The following SMC1A variants were observed in gnomAD, a reference collection of about 807,000 sequenced individuals.
The protein encoded by SMC1A is structural maintenance of chromosomes protein 1A.
A neutral mutation model predicts 94.5 loss-of-function variants in SMC1A; 4 were observed. The observed-to-expected ratio is 0.04, with a 90% CI of 0.02 to 0.10. The LOEUF (loss-of-function observed/expected upper bound fraction) is 0.10, where lower values mean the gene tolerates loss of function less well. Ranked by LOEUF, SMC1A falls within the 10% of genes least tolerant of loss-of-function variation. SMC1A has a pLI of 1.00. For missense variants in SMC1A, 304 were observed against 989.0 expected (o/e 0.31, Z 9.29); for synonymous variants, 345 against 347.7 (o/e 0.99, Z 0.09).
chrX:53,409,601 G>C (rs1166232339), intron 7 of SMC1A, 98 bp from the exon 8 acceptor site: 9 of 658,990 alleles, frequency 1.4e-5, no homozygotes, highest in Non-Finnish European at 2.3e-5. Flanking sequence ...TCATCCAAGA[G>C]CCGAACAGTC....
At chrX:53,394,536 C>T (rs2075643016) in intron 19 of SMC1A, among the ~76,000 whole-genome samples, 1 of 111,181 alleles carries the variant, frequency 9.0e-6, no homozygotes, top group Non-Finnish European at 1.9e-5. Context: ...AGACTGATAG[C>T]AGGCAAGGGC....
chrX:53,392,455 T>C (rs2075633361), intron 19 of SMC1A, among the ~76,000 whole-genome samples: 1 of 110,826 alleles, frequency 9.0e-6, no homozygotes, highest in African/African-American at 3.3e-5. Context: ...TACATCCCTG[T>C]GCATTTTTTT....
chrX:53,407,366 G>T (rs1367919794), intron 9 of SMC1A, among the ~76,000 whole-genome samples: 2 of 112,229 alleles, frequency 1.8e-5, no homozygotes, highest in Non-Finnish European at 3.8e-5. Flanking sequence ...CCTGTGTGGG[G>T]GTACCTGGAG....
At chrX:53,411,715 T>C in intron 7 of SMC1A, 46 bp downstream of exon 7, 1 of 1,189,003 alleles carries the variant, frequency 8.4e-7, no homozygotes. Context: ...CCTATATATA[T>C]CCTTTTCTGT....
At chrX:53,388,181 C>A (rs2075612864) in intron 19 of SMC1A, among the ~76,000 whole-genome samples, 1 of 111,241 alleles carries the variant, frequency 9.0e-6, no homozygotes, top group South Asian at 3.8e-4. Flanking sequence ...GGAAGTAACA[C>A]CACCAGCTGT....
At chrX:53,418,575 T>C (rs782351968) in intron 1 of SMC1A, among the ~76,000 whole-genome samples, 33 of 112,197 alleles carry the variant, frequency 2.9e-4, no homozygotes, top group African/African-American at 9.7e-4. Flanking sequence ...GCGGGAAGCA[T>C]GGGCATAAGC....
chrX:53,416,214 A>T (rs1243341319), intron 1 of SMC1A, among the ~76,000 whole-genome samples: 1 of 104,868 alleles, frequency 9.5e-6, no homozygotes, highest in Non-Finnish European at 2.0e-5. Context: ...GAGGCAGGAG[A>T]ATCGCTTGAA....
intron 5 of SMC1A, 138 bp downstream of exon 5, chrX:53,412,762 G>T: frequency 3.1e-6 from 3 of 964,888 alleles, no homozygotes; most frequent in South Asian, 2.0e-5. Context: ...CAAGAAATGT[G>T]CCTGGTTCTT....
intron 7 of SMC1A, among the ~76,000 whole-genome samples, chrX:53,410,056 A>G (rs1485909792): frequency 8.9e-6 from 1 of 111,965 alleles, no homozygotes; most frequent in Non-Finnish European, 1.9e-5. Context: ...ATGCCTGAAC[A>G]CTGTACACTC....
At chrX:53,383,391 C>T (rs1306375473) in intron 19 of SMC1A, 138 bp from the exon 20 acceptor site, 2 of 547,162 alleles carry the variant, frequency 3.7e-6, no homozygotes, top group African/African-American at 4.6e-5. Context: ...AGCTCGGTTC[C>T]TTCCACCAGA....
intron 9 of SMC1A, among the ~76,000 whole-genome samples, chrX:53,406,254 T>TA (rs1431610503): frequency 9.0e-6 from 1 of 111,243 alleles, no homozygotes; most frequent in Non-Finnish European, 1.9e-5. Flanking sequence ...ACTAGTTCTG[T>TA]ACCCATGCAA....
At chrX:53,419,917 G>A (rs2075748301) in intron 1 of SMC1A, among the ~76,000 whole-genome samples, 1 of 110,715 alleles carries the variant, frequency 9.0e-6, no homozygotes, top group African/African-American at 3.3e-5. Flanking sequence ...ACTCCAGTGT[G>A]GGCGTCAGAG....
At chrX:53,387,693 T>C (rs2075610386) in intron 19 of SMC1A, among the ~76,000 whole-genome samples, 2 of 111,256 alleles carry the variant, frequency 1.8e-5, no homozygotes, top group Admixed American at 9.6e-5. Flanking sequence ...AGGATGAATC[T>C]GGACATATTG....
chrX:53,398,742 G>A (rs2075660693), intron 16 of SMC1A, among the ~76,000 whole-genome samples: 1 of 111,475 alleles, frequency 9.0e-6, no homozygotes, highest in Admixed American at 9.6e-5. Flanking sequence ...TGTTACAAAC[G>A]TAGCATGATT....
At chrX:53,409,901 C>T (rs996971250) in intron 7 of SMC1A, among the ~76,000 whole-genome samples, 9 of 112,118 alleles carry the variant, frequency 8.0e-5, no homozygotes, top group African/African-American at 9.7e-5. Context: ...ATGACTATCA[C>T]ATTATTTTTA....
At position 53,379,001 on chromosome X, in the gene SMC1A, C is replaced by A. The variant is rs2017272617; in HGVS notation, c.*1102G>T. On this transcript the variant is annotated 3_prime_UTR_variant, in exon 25 of 25. Coordinates refer to ENST00000322213, the MANE Select transcript of SMC1A (RefSeq NM_006306.4). ...CTTTCCCAGTCAGCAGGGCATTCAG[C>A]ACCTTCCAGATTTGGAGGCTTCTTC... is the stretch of plus-strand genomic sequence containing the variant. 8.9e-6 allele frequency: 1 copy of A among 111,793 alleles called. No homozygotes were observed. The highest frequency in any genetic ancestry group is 1.9e-5 in the Non-Finnish European group (1 of 53,187). 9.2% of individuals were successfully genotyped at this position (111,793 alleles called of 1,213,427 possible). A position where few individuals can be genotyped will look rare whatever the true frequency, so the allele number is the denominator to read the frequency against.
chrX:53,397,827 T>C (rs1375068170), intron 16 of SMC1A, among the ~76,000 whole-genome samples: 3 of 111,017 alleles, frequency 2.7e-5, no homozygotes, highest in African/African-American at 9.8e-5. Context: ...ATATCCCAAA[T>C]CATCTAGGTA....
chrX:53,397,916 T>TG (rs1341952780), intron 16 of SMC1A, among the ~76,000 whole-genome samples: 1 of 111,283 alleles, frequency 9.0e-6, no homozygotes, highest in Non-Finnish European at 1.9e-5. Context: ...CCGGGCGTGG[T>TG]GGCTCACACC....
rs1556889545 is a variant in SMC1A, at chrX:53,405,383, T to C, written c.1920A>G (p.Ala640=). 1 of 1,211,355 alleles carries C rather than the reference T, an allele frequency of 8.3e-7. No homozygotes were observed. Among genetic ancestry groups the C allele is most frequent in the Non-Finnish European group, 1.1e-6 (1 of 895,366 alleles). The change falls in exon 12 of 25, where the codon GCA becomes GCG. Residue 640 remains alanine (A), a synonymous_variant. Coordinates refer to ENST00000322213, the MANE Select transcript of SMC1A (RefSeq NM_006306.4). Reference sequence around the variant, plus strand: ...ACTTCTGGAATAGGGTTCCATCCAGTGCCACTGTCTACACACAGCAGGGGG... The same window carrying C: ...ACTTCTGGAATAGGGTTCCATCCAGCGCCACTGTCTACACACAGCAGGGGG... ...FGGHQRHKTV[A]LDGTLFQKSG... is the part of the protein sequence containing the mutation.
Sources: gnomAD v4.1 joint callset for allele counts (sites outside exome capture counted in the v4.1 genomes callset) on GRCh38, gnomAD v4.1.1 for gene constraint, MANE v1.5 for transcripts, NCBI Gene and HGNC (gene_info 2026-07-23, HGNC 2026-07-21) for gene names.